The following DMD variants were observed in gnomAD, a reference collection of about 807,000 sequenced individuals.
DMD encodes the protein mutant dystrophin.
Under a neutral mutation model 330.1 loss-of-function variants are expected in DMD, and 63 were observed. That is an observed-to-expected ratio of 0.19 (90% CI 0.16 to 0.24). The LOEUF is 0.24. Among genes scored for constraint, DMD ranks in the 10% least tolerant of loss-of-function variants. The pLI, the probability that DMD is intolerant of heterozygous loss-of-function variation, is 1.00. For synonymous variants in DMD, 1,223 were observed against 959.8 expected (o/e 1.27, Z -5.07); for missense variants, 3,344 against 2,684.1 (o/e 1.25, Z -5.43).
intron 4 of DMD, among the ~76,000 whole-genome samples, chrX:32,828,565 ATATACACATATATATCTATACATC>A (rs1405473091): frequency 5.7e-5 from 6 of 106,012 alleles, no homozygotes; most frequent in African/African-American, 2.2e-4. Flanking sequence ...GTATCTACAC[ATATACACATATATATCTATACATC>A]TATACACATA....
chrX:33,333,359 C>T (rs893232460), intron 1 of DMD, among the ~76,000 whole-genome samples: 1 of 111,315 alleles, frequency 9.0e-6, no homozygotes, highest in African/African-American at 3.3e-5. Context: ...TCAATTGCCT[C>T]TTTTGCCTTT....
intron 29 of DMD, among the ~76,000 whole-genome samples, chrX:32,421,263 T>A: frequency 8.9e-6 from 1 of 112,191 alleles, no homozygotes; most frequent in Non-Finnish European, 1.9e-5. Flanking sequence ...TCAGTCAGTA[T>A]CTACATTATT....
chrX:32,566,710 A>C (rs1399697469), intron 15 of DMD, among the ~76,000 whole-genome samples: 1 of 111,937 alleles, frequency 8.9e-6, no homozygotes, highest in Non-Finnish European at 1.9e-5. Context: ...TGAAAGGAAT[A>C]AGTGGTTTAT....
At chrX:31,170,564 C>T (rs924449560) in intron 73 of DMD, among the ~76,000 whole-genome samples, 9 of 111,797 alleles carry the variant, frequency 8.1e-5, no homozygotes, top group African/African-American at 2.3e-4. Context: ...ATTCTCCTCT[C>T]CATACCCACT....
intron 41 of DMD, among the ~76,000 whole-genome samples, chrX:32,335,582 CAT>C (rs1243581439): frequency 3.9e-5 from 4 of 103,659 alleles, no homozygotes; most frequent in Admixed American, 2.1e-4. Context: ...ATATACATAA[CAT>C]GTGTATGTTA....
intron 67 of DMD, among the ~76,000 whole-genome samples, chrX:31,188,278 A>G (rs1205367902): frequency 5.3e-5 from 6 of 112,182 alleles, no homozygotes; most frequent in Middle Eastern, 9.3e-3. Flanking sequence ...AAAGAATTAA[A>G]AGCCAGGCAA....
intron 60 of DMD, among the ~76,000 whole-genome samples, chrX:31,351,934 T>TAA (rs371916487): frequency 1.9e-4 from 20 of 102,856 alleles, no homozygotes; most frequent in Non-Finnish European, 3.6e-4. Flanking sequence ...CATGAGAGGT[T>TAA]AAAAAAAAAA....
intron 55 of DMD, among the ~76,000 whole-genome samples, chrX:31,537,603 A>G (rs1316583435): frequency 9.0e-6 from 1 of 111,691 alleles, no homozygotes; most frequent in Non-Finnish European, 1.9e-5. Context: ...TCTTGCCTCC[A>G]GTTTGCTAAG....
intron 5 of DMD, among the ~76,000 whole-genome samples, chrX:32,821,778 T>C (rs2078281416): frequency 9.1e-6 from 1 of 110,096 alleles, no homozygotes; most frequent in Non-Finnish European, 1.9e-5. Flanking sequence ...CAGAAATAGA[T>C]TGACAATTGC....
At chrX:32,654,760 G>A (rs1480294068) in intron 9 of DMD, among the ~76,000 whole-genome samples, 3 of 111,253 alleles carry the variant, frequency 2.7e-5, no homozygotes, top group South Asian at 3.7e-4. Flanking sequence ...GGTAGAATTC[G>A]GCTGTGAATC....
At chrX:33,026,470 G>C (rs2094007936) in intron 1 of DMD, among the ~76,000 whole-genome samples, 1 of 109,715 alleles carries the variant, frequency 9.1e-6, no homozygotes, top group East Asian at 2.8e-4. Context: ...ATAAACATTA[G>C]ATAAGGTTAT....
chrX:32,707,584 T>C (rs2064795591), intron 7 of DMD, among the ~76,000 whole-genome samples: 1 of 112,419 alleles, frequency 8.9e-6, no homozygotes, highest in Non-Finnish European at 1.9e-5. Flanking sequence ...GGAAAAGTTC[T>C]ATCTTTAAAT....
intron 34 of DMD, among the ~76,000 whole-genome samples, chrX:32,376,647 G>C (rs758512762): frequency 2.7e-5 from 3 of 111,122 alleles, no homozygotes; most frequent in Non-Finnish European, 5.7e-5. Flanking sequence ...TTATATTATA[G>C]ACAATGCATC....
chrX:32,595,463 T>A (rs1001075633), intron 13 of DMD, among the ~76,000 whole-genome samples: 4 of 111,375 alleles, frequency 3.6e-5, no homozygotes, highest in Non-Finnish European at 7.5e-5. Context: ...GCATTTAAAT[T>A]TTTTTTAACC....
chrX:31,414,121 C>A, intron 60 of DMD, among the ~76,000 whole-genome samples: 1 of 111,502 alleles, frequency 9.0e-6, no homozygotes, highest in Non-Finnish European at 1.9e-5. Context: ...TCCAGCAATT[C>A]TCCTGCCTCA....
rs756370588 is a variant in DMD at position 32,699,102 on chromosome X, C to T, written c.831+10G>A. ...CATCTTGAATAGTAGCTGTCCTTTACACACTTTACCTGTTGAGAATAGTGC... is the reference window on the plus strand; with the variant it reads ...CATCTTGAATAGTAGCTGTCCTTTATACACTTTACCTGTTGAGAATAGTGC... On this transcript the variant is annotated intron_variant, in intron 8 of 78. Coordinates refer to ENST00000357033, the MANE Select transcript of DMD (RefSeq NM_004006.3). The T allele has an allele frequency of 3.6e-5, 43 of 1,200,725 alleles. No individual in the cohort carries two copies. Among genetic ancestry groups the T allele is most frequent in the Non-Finnish European group, 4.4e-5 (39 of 887,191 alleles).
Position 31,578,223 on chromosome X carries a change from C to T in DMD, c.8217+49450G>A, listed in dbSNP as rs912067844. Among the ~76,000 whole-genome samples, 5 of 111,704 alleles carry T rather than the reference C, an allele frequency of 4.5e-5. No homozygotes were observed. The South Asian group carries it at 1.8e-3, about 41-fold the overall frequency. On this transcript the variant is annotated intron_variant, in intron 55 of 78. Transcript: ENST00000357033. Reference sequence around the variant, plus strand: ...ATATGGGGTGGAAAATGCATGTGAACCTCAAAACAACCTTGAAGTATAGGC... The same window carrying T: ...ATATGGGGTGGAAAATGCATGTGAATCTCAAAACAACCTTGAAGTATAGGC...
chrX:32,664,633 G>T (rs73453046), intron 9 of DMD, among the ~76,000 whole-genome samples: 6,255 of 111,894 alleles, frequency 0.056, 436 homozygotes, highest in African/African-American at 0.19. Flanking sequence ...GCAACTGGAA[G>T]GCTATAGTGA....
chrX:32,277,784 A>G (rs952482857), intron 43 of DMD, among the ~76,000 whole-genome samples: 1 of 110,871 alleles, frequency 9.0e-6, no homozygotes, highest in African/African-American at 3.3e-5. Context: ...GAAAAACCAC[A>G]TACCAAAACC....
Sources: gnomAD v4.1 joint callset for allele counts (sites outside exome capture counted in the v4.1 genomes callset) on GRCh38, gnomAD v4.1.1 for gene constraint, MANE v1.5 for transcripts, NCBI Gene and HGNC (gene_info 2026-07-23, HGNC 2026-07-21) for gene names.